Variants in FRMD4A observed in about 807,000 individuals in gnomAD.
FRMD4A encodes FERM domain-containing protein 4A.
Under a neutral mutation model 129.1 loss-of-function variants are expected in FRMD4A, and 29 were observed. The observed-to-expected ratio is 0.22, with a 90% CI of 0.17 to 0.31. FRMD4A has a LOEUF of 0.31. Among genes scored for constraint, FRMD4A ranks in the 10% least tolerant of loss-of-function variants. The probability of loss-of-function intolerance (pLI) is 1.00; values close to 1 mark genes in which losing one functional copy is unlikely to be tolerated. For synonymous variants in FRMD4A, 634 were observed against 571.6 expected (o/e 1.11, Z -1.56); for missense variants, 1,272 against 1,375.8 (o/e 0.92, Z 1.19).
intron 2 of FRMD4A, among the ~76,000 whole-genome samples, chr10:14,266,750 A>C (rs1844995045): frequency 6.6e-6 from 1 of 152,226 alleles, no homozygotes; most frequent in Non-Finnish European, 1.5e-5. Context: ...GACTCCAAGA[A>C]ATGTAATTGC....
intron 2 of FRMD4A, among the ~76,000 whole-genome samples, chr10:13,976,104 G>A (rs1393033976): frequency 6.6e-6 from 1 of 152,184 alleles, no homozygotes; most frequent in Non-Finnish European, 1.5e-5. Flanking sequence ...AGCAGTCACT[G>A]TCTCACTCCT....
intron 2 of FRMD4A, among the ~76,000 whole-genome samples, chr10:14,297,954 C>T (rs1013164764): frequency 6.6e-6 from 1 of 152,206 alleles, no homozygotes; most frequent in Non-Finnish European, 1.5e-5. Flanking sequence ...TGTTATCTCT[C>T]TGGGTTTTCT....
intron 2 of FRMD4A, among the ~76,000 whole-genome samples, chr10:14,081,007 A>C (rs995722583): frequency 6.6e-6 from 1 of 152,096 alleles, no homozygotes; most frequent in African/African-American, 2.4e-5. Flanking sequence ...TCCTAACTAA[A>C]TCACAGCTCT....
intron 19 of FRMD4A, among the ~76,000 whole-genome samples, chr10:13,661,608 G>A (rs917561542): frequency 6.6e-6 from 1 of 152,136 alleles, no homozygotes; most frequent in African/African-American, 2.4e-5. Context: ...CGGATGCGTC[G>A]GAGTGAAAAA....
intron 11 of FRMD4A, among the ~76,000 whole-genome samples, chr10:13,739,363 A>G (rs933938649): frequency 6.6e-6 from 1 of 152,218 alleles, no homozygotes; most frequent in Non-Finnish European, 1.5e-5. Context: ...CAGCAGATTG[A>G]CCAGAGAAGG....
intron 2 of FRMD4A, among the ~76,000 whole-genome samples, chr10:14,061,214 AGCGG>A (rs1565220834): frequency 6.6e-6 from 1 of 152,136 alleles, no homozygotes. Context: ...TGGAGGCCGA[AGCGG>A]GTGGACTACC....
At chr10:13,717,088 A>G (rs529359623) in intron 12 of FRMD4A, among the ~76,000 whole-genome samples, 1 of 152,320 alleles carries the variant, frequency 6.6e-6, no homozygotes, top group East Asian at 1.9e-4. Flanking sequence ...AGCAATGAGC[A>G]CTGTGACCCA....
intron 8 of FRMD4A, among the ~76,000 whole-genome samples, chr10:13,755,413 A>G (rs1437838645): frequency 6.6e-6 from 1 of 152,218 alleles, no homozygotes; most frequent in Admixed American, 6.5e-5. Flanking sequence ...GGCCATAAAA[A>G]TTTCTTTCCA....
chr10:13,790,054 T>G (rs1435111374), intron 5 of FRMD4A, among the ~76,000 whole-genome samples: 5 of 151,996 alleles, frequency 3.3e-5, no homozygotes, highest in Non-Finnish European at 7.4e-5. Flanking sequence ...GAAGCCCTAA[T>G]TACTATTAGG....
intron 2 of FRMD4A, among the ~76,000 whole-genome samples, chr10:13,974,488 C>G (rs927441072): frequency 6.6e-6 from 1 of 152,144 alleles, no homozygotes; most frequent in Non-Finnish European, 1.5e-5. Context: ...GGTCCTGTAT[C>G]TTCAATCATC....
intron 2 of FRMD4A, among the ~76,000 whole-genome samples, chr10:14,200,714 G>A (rs1179772746): frequency 1.3e-5 from 2 of 152,142 alleles, no homozygotes. Flanking sequence ...TACAGTCTGC[G>A]TGGTTCACTG....
intron 14 of FRMD4A, among the ~76,000 whole-genome samples, chr10:13,699,373 G>A (rs1172807816): frequency 2.0e-5 from 3 of 151,928 alleles, no homozygotes; most frequent in Non-Finnish European, 4.4e-5. Context: ...CATGGCGGCC[G>A]GCCAATAATT....
intron 17 of FRMD4A, among the ~76,000 whole-genome samples, chr10:13,669,753 C>G (rs1430019152): frequency 6.6e-6 from 1 of 152,228 alleles, no homozygotes; most frequent in Non-Finnish European, 1.5e-5. Context: ...CATTAACCAG[C>G]CAGAGAGTCA....
At chr10:14,198,440 AG>A (rs1589156445) in intron 2 of FRMD4A, among the ~76,000 whole-genome samples, 1 of 152,192 alleles carries the variant, frequency 6.6e-6, no homozygotes, top group Non-Finnish European at 1.5e-5. Context: ...AATTTCATGG[AG>A]GAGGAAGCAA....
intron 2 of FRMD4A, among the ~76,000 whole-genome samples, chr10:14,127,391 A>G (rs1055796951): frequency 2.0e-5 from 3 of 152,082 alleles, no homozygotes; most frequent in Non-Finnish European, 2.9e-5. Flanking sequence ...GGGGTTTGTT[A>G]GTGTTCTGAG....
rs573223096 is a variant in FRMD4A at position 13,928,642 on chromosome 10, C to T, written c.46-69730G>A. ...CATATATTCTCCTTAATGGCCTGTT[C>T]GTGATTTGGCATTGTGCTAAGGCTG... On this transcript the variant is annotated intron_variant, in intron 2 of 24. Coordinates refer to ENST00000357447, the MANE Select transcript of FRMD4A (RefSeq NM_018027.5). 7.2e-5 allele frequency among the ~76,000 whole-genome samples: 11 copies of T among 152,194 alleles called. No homozygotes were observed. The South Asian group carries it at 1.7e-3, about 23-fold the overall frequency.
chr10:14,318,612 CA>C (rs66547751), intron 2 of FRMD4A, among the ~76,000 whole-genome samples: 3,049 of 134,972 alleles, frequency 0.023, 64 homozygotes, highest in East Asian at 0.094. Flanking sequence ...TGCTAGTATG[CA>C]AAAAAAAAAA....
intron 2 of FRMD4A, among the ~76,000 whole-genome samples, chr10:14,152,871 A>G (rs1273363657): frequency 6.6e-6 from 1 of 150,500 alleles, no homozygotes; most frequent in Non-Finnish European, 1.5e-5. Context: ...GAGAAGAGAG[A>G]CTCCTTCAGC....
At chr10:13,926,791 C>A (rs780855294) in intron 2 of FRMD4A, among the ~76,000 whole-genome samples, 2 of 152,196 alleles carry the variant, frequency 1.3e-5, no homozygotes, top group Non-Finnish European at 2.9e-5. Context: ...AGAGCCAAGA[C>A]GCCTAAAAGA....
Sources: allele counts gnomAD v4.1 joint callset (sites outside exome capture counted in the v4.1 genomes callset), GRCh38; gene constraint gnomAD v4.1.1; transcripts MANE v1.5; gene names NCBI Gene and HGNC (gene_info 2026-07-23, HGNC 2026-07-21).